Variants in CUBN observed in about 807,000 individuals in gnomAD.
CUBN encodes the protein 460 kDa receptor.
Under a neutral mutation model 405.3 loss-of-function variants are expected in CUBN, and 282 were observed. That is an observed-to-expected ratio of 0.70 (90% CI 0.63 to 0.77). CUBN has a LOEUF of 0.77. Among genes scored for constraint, CUBN ranks in the 30% least tolerant of loss-of-function variants. The probability of loss-of-function intolerance (pLI) is 0.00; values close to 1 mark genes in which losing one functional copy is unlikely to be tolerated. For synonymous variants in CUBN, 1,684 were observed against 1,617.0 expected, an observed-to-expected ratio of 1.04 and a Z score of -0.99; for missense variants, 4,514 against 4,475.2, an observed-to-expected ratio of 1.01 and a Z score of -0.25.
At chr10:16,843,507 A>C (rs1488245372) in intron 60 of CUBN, among the ~76,000 whole-genome samples, 3 of 152,074 alleles carry the variant, frequency 2.0e-5, no homozygotes, top group African/African-American at 7.3e-5. Context: ...GTTAATTCAG[A>C]ATCAGATGAA....
intron 28 of CUBN, among the ~76,000 whole-genome samples, chr10:17,002,165 C>T (rs1833908921): frequency 6.6e-6 from 1 of 152,132 alleles, no homozygotes; most frequent in Non-Finnish European, 1.5e-5. Context: ...CTACGCTGAA[C>T]GTCACATTTG....
intron 59 of CUBN, among the ~76,000 whole-genome samples, chr10:16,859,582 C>T (rs1257551514): frequency 6.6e-6 from 1 of 152,026 alleles, no homozygotes; most frequent in Non-Finnish European, 1.5e-5. Flanking sequence ...ATCGTAAAGT[C>T]CTGAATGAAA....
chr10:16,989,475 A>G (rs537325743), intron 29 of CUBN, among the ~76,000 whole-genome samples: 1 of 148,332 alleles, frequency 6.7e-6, no homozygotes, highest in Non-Finnish European at 1.5e-5. Flanking sequence ...AAATTATATA[A>G]GAATATTACA....
chr10:17,098,702 A>C (rs1398702480), intron 14 of CUBN, among the ~76,000 whole-genome samples: 1 of 152,254 alleles, frequency 6.6e-6, no homozygotes, highest in Admixed American at 6.5e-5. Flanking sequence ...AAAAATAATT[A>C]GACATGATGA....
At chr10:16,862,477 T>C (rs932274609) in intron 59 of CUBN, among the ~76,000 whole-genome samples, 3 of 152,120 alleles carry the variant, frequency 2.0e-5, no homozygotes, top group African/African-American at 7.2e-5. Context: ...GGACAAGCAG[T>C]GATTTTCACG....
Position 17,068,111 on chromosome 10 carries a change from G to C in CUBN, c.2961C>G (p.Asn987Lys). 6.2e-7 allele frequency: 1 copy of C among 1,613,448 alleles called. No homozygotes were observed. The highest frequency in any genetic ancestry group is 1.3e-5 in the African/African-American group (1 of 74,986). ...FHLEFHYNCT[N>K]DYLEVYDTDS... is the part of the protein sequence containing the mutation. ...CGGTGTCATAAACTTCCAAGTAGTC[G>C]TTTGTGCAATTGTAATGAAACTCCA... is the stretch of plus-strand genomic sequence containing the variant. Residue 987 changes from asparagine to lysine, a missense_variant, in exon 21 of 67, where the codon AAC (asparagine) becomes AAG (lysine). By Grantham distance (94) the Asn-to-Lys change is moderately conservative (BLOSUM62 0). Transcript: ENST00000377833.
chr10:17,111,519 C>G (rs1836771469), intron 8 of CUBN, among the ~76,000 whole-genome samples: 1 of 152,178 alleles, frequency 6.6e-6, no homozygotes, highest in Non-Finnish European at 1.5e-5. Flanking sequence ...CACCTTATGA[C>G]TCATCTTTGT....
rs79721918 is a variant in CUBN at position 16,891,898 on chromosome 10, C to A, written c.8599-1371G>T. Among the ~76,000 whole-genome samples, 3 of 152,012 alleles carry A rather than the reference C, an allele frequency of 2.0e-5. No individual in the cohort carries two copies. The South Asian group carries it at 6.2e-4, about 32-fold the overall frequency. ...GACTATTGCTACACAATCTGCAATACCCAATATGCCCTTTCTATCAACAGA... is the reference window on the plus strand; with the variant it reads ...GACTATTGCTACACAATCTGCAATAACCAATATGCCCTTTCTATCAACAGA... On this transcript the variant is annotated intron_variant, in intron 54 of 66. Coordinates refer to ENST00000377833, the MANE Select transcript of CUBN (RefSeq NM_001081.4).
chr10:16,909,218 T>A (rs899019245), intron 48 of CUBN, among the ~76,000 whole-genome samples: 1 of 152,182 alleles, frequency 6.6e-6, no homozygotes, highest in African/African-American at 2.4e-5. Context: ...CTATAATTAA[T>A]CAAATTTAGC....
intron 48 of CUBN, among the ~76,000 whole-genome samples, chr10:16,911,123 G>T (rs56364946): frequency 0.034 from 5,152 of 152,292 alleles, 306 homozygotes; most frequent in African/African-American, 0.12. Context: ...TTTTACTACA[G>T]AAGGTAGAGA....
At position 16,840,396 on chromosome 10, in the gene CUBN, C is replaced by T. The variant is rs1225290698; in HGVS notation, c.9966G>A (p.Val3322=). 16 of 1,614,116 alleles carry T rather than the reference C, an allele frequency of 9.9e-6. No homozygotes were observed. In the South Asian group the frequency reaches 1.8e-4, roughly 18 times the overall value. ...CTTGCGAGGTCAGCTGTAATGCCCA[C>T]ACAGTTATCTTGACCTGCTGATGCG... ...SPPHQQVKIT[V]WALQLTSQDC... The change falls in exon 62 of 67, where the codon GTG becomes GTA. Residue 3322 remains valine, a synonymous_variant. Coordinates refer to ENST00000377833, the MANE Select transcript of CUBN (RefSeq NM_001081.4).
At chr10:16,846,011 G>C (rs1265193813) in intron 60 of CUBN, among the ~76,000 whole-genome samples, 1 of 152,144 alleles carries the variant, frequency 6.6e-6, no homozygotes, top group African/African-American at 2.4e-5. Context: ...TGAATGTCCT[G>C]TCAGACATTT....
rs149077681 is a variant in CUBN at position 17,025,993 on chromosome 10, A to G, written c.4018-6010T>C. On this transcript the variant is annotated intron_variant, in intron 27 of 66. Coordinates refer to ENST00000377833, the MANE Select transcript of CUBN (RefSeq NM_001081.4). ...GTGAGGTGGATAGAGTCCACTGGCA[A>G]GCAAAGTGGCTCTCATGCTAAAAGT... Among the ~76,000 whole-genome samples, 5 of 152,268 alleles carry G rather than the reference A, an allele frequency of 3.3e-5. No individual in the cohort carries two copies. In the East Asian group the frequency reaches 9.7e-4, roughly 29 times the overall value.
rs1836566665 is a variant in CUBN, at chr10:17,104,279, C to A, written c.1417+140G>T. 4.3e-6 allele frequency: 3 copies of A among 695,192 alleles called. No homozygotes were observed. In the Admixed American group the frequency reaches 7.7e-5, roughly 18 times the overall value. The allele number at this position is 695,192 out of a possible 1,614,324, so 43.1% of individuals were successfully genotyped here. On this transcript the variant is annotated intron_variant, in intron 12 of 66. Coordinates refer to ENST00000377833, the MANE Select transcript of CUBN (RefSeq NM_001081.4). ...TTAGCTTGTGAATTTTATACCATTT[C>A]TGCAAGGAAAGACTTAGTTCTCAGT...
intron 21 of CUBN, 110 bp from the exon 22 acceptor site, chr10:17,065,748 T>G: frequency 7.8e-7 from 1 of 1,280,032 alleles, no homozygotes; most frequent in East Asian, 2.4e-5. Flanking sequence ...GTTCTCTACC[T>G]CTCATCAACC....
In CUBN at chr10:16,840,654, A is replaced by G. The variant is rs572337678; in HGVS notation, c.9827-119T>C. The G allele has an allele frequency of 4.2e-6, 4 of 948,648 alleles. No homozygotes were observed. The African/African-American group carries it at 6.5e-5, about 15-fold the overall frequency. 58.8% of individuals were successfully genotyped at this position (948,648 alleles called of 1,614,324 possible). ...GGAGGAGCTATATTTTCATTACTCT[A>G]TTAAGAATTCAGGGTTTATATCCTT... On this transcript the variant is annotated intron_variant, in intron 61 of 66. Transcript: ENST00000377833.
intron 19 of CUBN, among the ~76,000 whole-genome samples, chr10:17,070,741 T>C (rs1229715237): frequency 6.6e-6 from 1 of 152,196 alleles, no homozygotes; most frequent in African/African-American, 2.4e-5. Context: ...ATGGATTAGT[T>C]CTAATAGTTT....
chr10:16,952,464 G>GGTTTTATTCATCA, intron 32 of CUBN, 75 bp from the exon 33 acceptor site: 1 of 932,930 alleles, frequency 1.1e-6, no homozygotes, highest in South Asian at 1.3e-5. Flanking sequence ...ATTATTTGAT[G>GGTTTTATTCATCA]AATAAAACCA....
chr10:16,967,871 G>T (rs76336529), intron 31 of CUBN, among the ~76,000 whole-genome samples: 2,543 of 149,802 alleles, frequency 0.017, 42 homozygotes, highest in African/African-American at 0.059. Flanking sequence ...AGGAGAGACA[G>T]GGAGAGAGAG....
Sources: gnomAD v4.1 joint callset for allele counts (sites outside exome capture counted in the v4.1 genomes callset) on GRCh38, gnomAD v4.1.1 for gene constraint, MANE v1.5 for transcripts, NCBI Gene and HGNC (gene_info 2026-07-23, HGNC 2026-07-21) for gene names.